The following AIG1 variants were observed in gnomAD, a reference collection of about 807,000 sequenced individuals.
AIG1 encodes the protein androgen-induced gene 1 protein.
A neutral mutation model predicts 31.4 loss-of-function variants in AIG1; 23 were observed. The observed-to-expected ratio is 0.73, with a 90% CI of 0.53 to 1.04. AIG1 has a LOEUF of 1.04. Among genes scored for constraint, AIG1 ranks in the 50% least tolerant of loss-of-function variants. AIG1 has a pLI of 0.00. For synonymous variants in AIG1, 100 were observed against 110.5 expected (o/e 0.90, Z 0.60); for missense variants, 274 against 295.0 (o/e 0.93, Z 0.52).
rs114064762 is a variant in AIG1 at position 143,163,013 on chromosome 6, T to C, written c.298-2069T>C. On this transcript the variant is annotated intron_variant, in intron 2 of 5. Coordinates refer to ENST00000357847, the MANE Select transcript of AIG1 (RefSeq NM_016108.4). ...CCCCAAGCAGAACATCTCAAACTTA[T>C]ATGTGCATAAGATCTTATTGAAATG... 4.1e-3 allele frequency among the ~76,000 whole-genome samples: 620 copies of C among 152,292 alleles called. 5 individuals carry two copies. The highest frequency in any genetic ancestry group is 0.014 in the African/African-American group (575 of 41,570).
intron 1 of AIG1, among the ~76,000 whole-genome samples, chr6:143,117,551 G>T (rs1237994904): frequency 6.6e-5 from 10 of 152,164 alleles, no homozygotes; most frequent in Non-Finnish European, 4.4e-5. Context: ...GATTGTCGGG[G>T]AGAGCTCAAG....
chr6:143,311,420 G>C (rs1013532840), intron 4 of AIG1, among the ~76,000 whole-genome samples: 1 of 151,780 alleles, frequency 6.6e-6, no homozygotes, highest in African/African-American at 2.4e-5. Context: ...CAAATATTGT[G>C]TATCAATTTA....
intron 3 of AIG1, among the ~76,000 whole-genome samples, chr6:143,198,241 A>G (rs1314760497): frequency 6.6e-6 from 1 of 152,248 alleles, no homozygotes; most frequent in East Asian, 1.9e-4. Context: ...TATACTTTAA[A>G]TAACTTCTTC....
chr6:143,314,184 T>TAAAAA (rs35691634), intron 4 of AIG1, among the ~76,000 whole-genome samples: 5,393 of 90,362 alleles, frequency 0.06, 286 homozygotes, highest in Non-Finnish European at 0.076. Context: ...ACCCATCTCT[T>TAAAAA]AAAAAAAAAA....
intron 3 of AIG1, among the ~76,000 whole-genome samples, chr6:143,230,147 A>G (rs1203601926): frequency 6.6e-6 from 1 of 152,126 alleles, no homozygotes; most frequent in East Asian, 1.9e-4. Flanking sequence ...AAGATCCTTT[A>G]ATGGTTTGCT....
intron 3 of AIG1, among the ~76,000 whole-genome samples, chr6:143,247,015 A>G (rs1794664654): frequency 6.6e-6 from 1 of 152,242 alleles, no homozygotes; most frequent in South Asian, 2.1e-4. Context: ...AGGGGCTCAG[A>G]TGTGCTTCCA....
intron 1 of AIG1, among the ~76,000 whole-genome samples, chr6:143,104,831 G>A (rs540734268): frequency 4.1e-4 from 62 of 151,956 alleles, no homozygotes; most frequent in Admixed American, 1.1e-3. Flanking sequence ...TTGAGCCTAG[G>A]AGTTCAAGAC....
chr6:143,294,553 A>G (rs1273048780), intron 4 of AIG1, among the ~76,000 whole-genome samples: 1 of 152,188 alleles, frequency 6.6e-6, no homozygotes, highest in African/African-American at 2.4e-5. Context: ...CATTACCATT[A>G]AACTAATACT....
intron 1 of AIG1, among the ~76,000 whole-genome samples, chr6:143,078,502 G>A (rs1021376519): frequency 2.0e-5 from 3 of 152,072 alleles, no homozygotes; most frequent in South Asian, 2.1e-4. Flanking sequence ...AGACATATTC[G>A]AGACTCGGTA....
intron 1 of AIG1, among the ~76,000 whole-genome samples, chr6:143,119,184 A>C (rs1172558061): frequency 6.6e-6 from 1 of 152,184 alleles, no homozygotes; most frequent in Non-Finnish European, 1.5e-5. Context: ...ACCTGCTGAC[A>C]AATTTCTCAG....
In AIG1 at chr6:143,217,031, T is replaced by C. The variant is rs75451619; in HGVS notation, c.399+51848T>C. The stretch of plus-strand genomic sequence containing the variant: ...ACTGTTAGAAAGTCAACAGTAGTAT[T>C]CTTCATTACACAATACTTGACATAT... On this transcript the variant is annotated intron_variant, in intron 3 of 5. Transcript: ENST00000357847. Among the ~76,000 whole-genome samples the C allele has an allele frequency of 4.9e-4, 75 of 152,358 alleles. 1 individual carries two copies. The East Asian group carries it at 0.013, about 27-fold the overall frequency.
At chr6:143,153,276 A>G (rs1416766684) in intron 2 of AIG1, among the ~76,000 whole-genome samples, 1 of 152,220 alleles carries the variant, frequency 6.6e-6, no homozygotes, top group Non-Finnish European at 1.5e-5. Flanking sequence ...TTTCTTATGG[A>G]TATGAATTTC....
chr6:143,084,731 T>C (rs948129917), intron 1 of AIG1, among the ~76,000 whole-genome samples: 3 of 152,128 alleles, frequency 2.0e-5, no homozygotes, highest in African/African-American at 7.2e-5. Flanking sequence ...GCAGTAGGAT[T>C]TTCTTCCTTT....
At chr6:143,160,661 T>G (rs879742494) in intron 2 of AIG1, among the ~76,000 whole-genome samples, 3 of 152,240 alleles carry the variant, frequency 2.0e-5, no homozygotes, top group Non-Finnish European at 4.4e-5. Flanking sequence ...CAAGAGAAAC[T>G]ATTTTTGTTC....
At chr6:143,183,324 T>C (rs986077264) in intron 3 of AIG1, among the ~76,000 whole-genome samples, 5 of 151,968 alleles carry the variant, frequency 3.3e-5, no homozygotes, top group Non-Finnish European at 5.9e-5. Flanking sequence ...GCCTCCCAAG[T>C]AGCTGGGATT....
rs1777276237 is a variant in AIG1, at chr6:143,333,861, C to T, written c.679+416C>T. 6.6e-6 allele frequency among the ~76,000 whole-genome samples: 1 copy of T among 152,116 alleles called. No individual in the cohort carries two copies. The highest frequency in any genetic ancestry group is 2.4e-5 in the African/African-American group (1 of 41,428). On this transcript the variant is annotated intron_variant, in intron 5 of 5. Transcript: ENST00000357847. This position sits in a 1 kb window ranked among gnomAD's most constrained non-coding sequence, Gnocchi z 4.6. ...TTAAAGTCACCCAGATCTCCACTTT[C>T]TATGTGGGTGCAGTCACCTGGGAGA...
At chr6:143,129,648 G>C (rs751054440) in intron 1 of AIG1, among the ~76,000 whole-genome samples, 1 of 152,000 alleles carries the variant, frequency 6.6e-6, no homozygotes, top group East Asian at 1.9e-4. Context: ...CCTAGAATTC[G>C]AGATTCTGTT....
At chr6:143,241,267 G>A (rs1403527234) in intron 3 of AIG1, among the ~76,000 whole-genome samples, 1 of 152,170 alleles carries the variant, frequency 6.6e-6, no homozygotes, top group African/African-American at 2.4e-5. Flanking sequence ...CTGTTTCAGC[G>A]AACAACTATT....
chr6:143,273,330 C>T (rs1796669971), intron 3 of AIG1, among the ~76,000 whole-genome samples: 1 of 152,158 alleles, frequency 6.6e-6, no homozygotes, highest in Non-Finnish European at 1.5e-5. Flanking sequence ...TTTCAGAGTG[C>T]TGTGAATGAT....
Sources: gnomAD v4.1 joint callset for allele counts (sites outside exome capture counted in the v4.1 genomes callset) on GRCh38, gnomAD v4.1.1 for gene constraint, Gnocchi (gnomAD v3.1) non-coding constraint, MANE v1.5 for transcripts, NCBI Gene and HGNC (gene_info 2026-07-23, HGNC 2026-07-21) for gene names.